Variants in EPHA7 observed in about 807,000 individuals in gnomAD.
EPHA7 encodes the protein EPH receptor A7, also known as ephrin type-A receptor 7.
EPHA7 carries 25 observed loss-of-function variants against 112.6 expected under a neutral mutation model. That is an observed-to-expected ratio of 0.22 (90% CI 0.16 to 0.31). EPHA7 has a LOEUF of 0.31. Among genes scored for constraint, EPHA7 ranks in the 10% least tolerant of loss-of-function variants. EPHA7 has a pLI of 1.00. For missense variants in EPHA7, 962 were observed against 1,212.6 expected, an observed-to-expected ratio of 0.79 and a Z score of 3.07; for synonymous variants, 437 against 406.5, an observed-to-expected ratio of 1.07 and a Z score of -0.90.
At chr6:93,287,962 G>T (rs1416850515) in intron 5 of EPHA7, among the ~76,000 whole-genome samples, 1 of 152,138 alleles carries the variant, frequency 6.6e-6, no homozygotes, top group Non-Finnish European at 1.5e-5. Context: ...TTTGAAAATA[G>T]AATTCTTTAT....
intron 5 of EPHA7, among the ~76,000 whole-genome samples, chr6:93,333,845 C>G (rs1180820129): frequency 6.6e-6 from 1 of 151,812 alleles, no homozygotes; most frequent in Non-Finnish European, 1.5e-5. Context: ...AGGAAAAAAT[C>G]AATATTGTTA....
intron 5 of EPHA7, among the ~76,000 whole-genome samples, chr6:93,325,396 A>G (rs894528926): frequency 2.0e-5 from 3 of 151,344 alleles, no homozygotes; most frequent in African/African-American, 7.3e-5. Flanking sequence ...ATTTAGCTAC[A>G]TAATATAGGC....
chr6:93,380,627 G>A (rs1377137156), intron 3 of EPHA7, among the ~76,000 whole-genome samples: 2 of 152,062 alleles, frequency 1.3e-5, no homozygotes, highest in Non-Finnish European at 2.9e-5. Context: ...AGGAAATGCT[G>A]CAGCAAATAG....
rs150294222 is a variant in EPHA7 at position 93,390,725 on chromosome 6, A to G, written c.832+19776T>C. Among the ~76,000 whole-genome samples, 146 of 152,102 alleles carry G rather than the reference A, an allele frequency of 9.6e-4. 2 individuals carry two copies. The highest frequency in any genetic ancestry group is 3.4e-3 in the African/African-American group (142 of 41,554). ...TTTGGCATTTTTAAAGGAAATAAAT[A>G]AAACAAAATTTAATTTCTCAAATGG... On this transcript the variant is annotated intron_variant, in intron 3 of 16. Transcript: ENST00000369303.
intron 5 of EPHA7, among the ~76,000 whole-genome samples, chr6:93,347,631 A>C (rs1775466967): frequency 6.6e-6 from 1 of 151,908 alleles, no homozygotes; most frequent in Admixed American, 6.6e-5. Context: ...AGGGGCTTAA[A>C]TTGAAATTTG....
intron 3 of EPHA7, among the ~76,000 whole-genome samples, chr6:93,398,964 G>A (rs948539325): frequency 1.3e-5 from 2 of 152,078 alleles, no homozygotes; most frequent in Admixed American, 1.3e-4. Context: ...TGTTTTCCCA[G>A]TTCCAGCTCA....
At chr6:93,317,508 G>C (rs1364906416) in intron 5 of EPHA7, among the ~76,000 whole-genome samples, 1 of 151,960 alleles carries the variant, frequency 6.6e-6, no homozygotes, top group Non-Finnish European at 1.5e-5. Context: ...ACATTTTTCA[G>C]GTCATTCAAT....
chr6:93,404,881 T>C (rs1313021796), intron 3 of EPHA7, among the ~76,000 whole-genome samples: 1 of 151,814 alleles, frequency 6.6e-6, no homozygotes, highest in African/African-American at 2.4e-5. Flanking sequence ...ATTAATATCT[T>C]CTACCTTTTA....
chr6:93,333,759 A>G (rs1774720355), intron 5 of EPHA7, among the ~76,000 whole-genome samples: 1 of 151,924 alleles, frequency 6.6e-6, no homozygotes, highest in African/African-American at 2.4e-5. Context: ...GATCTGTACA[A>G]TGAGAATTAC....
At position 93,240,026 on chromosome 6, in the gene EPHA7, T is replaced by A. The variant is rs1769624707; in HGVS notation, c.*3400A>T. 1 of 210,412 alleles carries A rather than the reference T, an allele frequency of 4.8e-6. No homozygotes were observed. Among genetic ancestry groups the A allele is most frequent in the South Asian group, 1.9e-4 (1 of 5,372 alleles). 13.0% of individuals were successfully genotyped at this position (210,412 alleles called of 1,614,324 possible). Reference sequence around the variant, plus strand: ...CCAATGATTGGAGACAGGATTTTCTTTACATTGTCTAATAGACTTGTTTAT... The same window carrying A: ...CCAATGATTGGAGACAGGATTTTCTATACATTGTCTAATAGACTTGTTTAT... On this transcript the variant is annotated 3_prime_UTR_variant, in exon 17 of 17. Transcript: ENST00000369303.
chr6:93,297,139 A>G (rs1562077945), intron 5 of EPHA7, among the ~76,000 whole-genome samples: 1 of 152,036 alleles, frequency 6.6e-6, no homozygotes, highest in East Asian at 1.9e-4. Flanking sequence ...TCATTTCTCA[A>G]CTGCATACTG....
chr6:93,255,912 G>C lies in EPHA7; in HGVS notation c.2298C>G (p.Val766=). 1 of 1,614,064 alleles carries C rather than the reference G, an allele frequency of 6.2e-7. No homozygotes were observed. Among genetic ancestry groups the C allele is most frequent in the Non-Finnish European group, 8.5e-7 (1 of 1,180,012 alleles). The change falls in exon 13 of 17, where the codon GTC becomes GTG. Residue 766 remains valine (V), a synonymous_variant. Coordinates refer to ENST00000369303, the MANE Select transcript of EPHA7 (RefSeq NM_004440.4). Reference sequence around the variant, plus strand: ...ACACTTTACAAACGAGATTGCTGTTGACAAGAATATTGCGAGCTGCAAGGT... The same window carrying C: ...ACACTTTACAAACGAGATTGCTGTTCACAAGAATATTGCGAGCTGCAAGGT... The part of the protein sequence containing the change: ...HRDLAARNIL[V]NSNLVCKVSD...
At chr6:93,260,803 A>C in intron 9 of EPHA7, 1 of 920,544 alleles carries the variant, frequency 1.1e-6, no homozygotes, top group Non-Finnish European at 1.3e-6. Flanking sequence ...AAAAAACAAC[A>C]CGAGAAGAAA....
At chr6:93,307,007 T>A (rs1024100787) in intron 5 of EPHA7, among the ~76,000 whole-genome samples, 1 of 152,044 alleles carries the variant, frequency 6.6e-6, no homozygotes, top group East Asian at 1.9e-4. Context: ...CTCCATTAAA[T>A]CATAATATAA....
At chr6:93,336,491 C>G (rs1774877935) in intron 5 of EPHA7, among the ~76,000 whole-genome samples, 1 of 152,170 alleles carries the variant, frequency 6.6e-6, no homozygotes, top group Admixed American at 6.6e-5. Context: ...TAACCACTGC[C>G]TCCTGGGTTC....
At chr6:93,344,362 G>T (rs184304075) in intron 5 of EPHA7, among the ~76,000 whole-genome samples, 4 of 151,650 alleles carry the variant, frequency 2.6e-5, no homozygotes, top group African/African-American at 9.6e-5. Context: ...TGATGTCAGG[G>T]ATGTGAGAAA....
chr6:93,417,117 TTGC>T (rs1400841687), intron 1 of EPHA7, among the ~76,000 whole-genome samples: 1 of 151,998 alleles, frequency 6.6e-6, no homozygotes, highest in Admixed American at 6.6e-5. Context: ...CAGCTGCACT[TTGC>T]CTTCAAGCGT....
Position 93,242,365 on chromosome 6 carries a change from T to C in EPHA7, c.*1061A>G, listed in dbSNP as rs148343742. On this transcript the variant is annotated 3_prime_UTR_variant, in exon 17 of 17. Transcript: ENST00000369303. ...TTTATCATGCTTCAGAGTTATAATATAAAACAATTATTTCCTTTCATGTTT... is the reference window on the plus strand; with the variant it reads ...TTTATCATGCTTCAGAGTTATAATACAAAACAATTATTTCCTTTCATGTTT... 316 of 198,934 alleles carry C rather than the reference T, an allele frequency of 1.6e-3. No homozygotes were observed. The highest frequency in any genetic ancestry group is 2.4e-3 in the Non-Finnish European group (231 of 95,922). 12.3% of individuals were successfully genotyped at this position (198,934 alleles called of 1,614,324 possible).
chr6:93,314,858 C>CT (rs777231219), intron 5 of EPHA7, among the ~76,000 whole-genome samples: 5,875 of 101,422 alleles, frequency 0.058, 336 homozygotes, highest in Non-Finnish European at 0.069. Context: ...ATATAATTTT[C>CT]TTTTTTTTTT....
Sources: allele counts gnomAD v4.1 joint callset (sites outside exome capture counted in the v4.1 genomes callset), GRCh38; gene constraint gnomAD v4.1.1; transcripts MANE v1.5; gene names NCBI Gene and HGNC (gene_info 2026-07-23, HGNC 2026-07-21).